The following SUGCT variants were observed in gnomAD, a reference collection of about 807,000 sequenced individuals.
The protein encoded by SUGCT is succinyl-CoA:glutarate CoA-transferase.
Under a neutral mutation model 55.0 loss-of-function variants are expected in SUGCT, and 41 were observed. The ratio of observed to expected loss-of-function variants is 0.74; its 90% CI spans 0.58 to 0.97. The LOEUF (loss-of-function observed/expected upper bound fraction) is 0.97, where lower values mean the gene tolerates loss of function less well. Among genes scored for constraint, SUGCT ranks in the 50% least tolerant of loss-of-function variants. SUGCT has a pLI of 0.00. For missense variants in SUGCT, 568 were observed against 547.8 expected, an observed-to-expected ratio of 1.04 and a Z score of -0.37; for synonymous variants, 187 against 200.4, an observed-to-expected ratio of 0.93 and a Z score of 0.56.
chr7:40,798,932 A>G (rs1790680412), intron 13 of SUGCT, among the ~76,000 whole-genome samples: 1 of 152,162 alleles, frequency 6.6e-6, no homozygotes, highest in Non-Finnish European at 1.5e-5. Flanking sequence ...ATAACTTGTC[A>G]TTTCTCATTA....
chr7:40,242,035 T>C (rs1355501260), intron 7 of SUGCT, among the ~76,000 whole-genome samples: 1 of 152,130 alleles, frequency 6.6e-6, no homozygotes, highest in Non-Finnish European at 1.5e-5. Flanking sequence ...TCAGATTAGA[T>C]TATATTTGAT....
intron 13 of SUGCT, among the ~76,000 whole-genome samples, chr7:40,777,947 A>G (rs1039617033): frequency 6.6e-6 from 1 of 152,070 alleles, no homozygotes; most frequent in Non-Finnish European, 1.5e-5. Flanking sequence ...CTGTGTATTC[A>G]TAGTCACTCC....
chr7:40,670,901 AG>A (rs576886542), intron 12 of SUGCT, among the ~76,000 whole-genome samples: 89 of 152,204 alleles, frequency 5.8e-4, no homozygotes, highest in Non-Finnish European at 9.3e-4. Flanking sequence ...AAAAGAGGAC[AG>A]AGCACTTCCA....
chr7:40,945,281 C>T, the SUGCT span, among the ~76,000 whole-genome samples: 1 of 152,114 alleles, frequency 6.6e-6, no homozygotes, highest in African/African-American at 2.4e-5. Flanking sequence ...GACTACCTCC[C>T]AGTCACATTC....
intron 9 of SUGCT, among the ~76,000 whole-genome samples, chr7:40,324,248 A>ATATATATATATATATATATATAT (rs1562681083): frequency 1.4e-4 from 15 of 111,042 alleles, no homozygotes; most frequent in African/African-American, 5.4e-4. Flanking sequence ...TAAATAAATA[A>ATATATATATATATATATATATAT]ATAAATATAT....
At chr7:40,136,957 T>A (rs1460807104) in intron 1 of SUGCT, among the ~76,000 whole-genome samples, 1 of 151,846 alleles carries the variant, frequency 6.6e-6, no homozygotes, top group Non-Finnish European at 1.5e-5. Flanking sequence ...ATTGTGCCAC[T>A]GCACTCCAGC....
rs1201956932 is a variant in SUGCT, at chr7:40,316,850, T to A, written c.811T>A (p.Tyr271Asn). Residue 271 changes from tyrosine (Y) to asparagine (N), a missense_variant, in exon 9 of 14, where the codon TAC (tyrosine) becomes AAC (asparagine). Transcript: ENST00000335693. ...WGTAHGSIVP[Y>N]QAFKTKDGYI... ...TACAGCTCATGGCAGTATCGTTCCT[T>A]ACCAGGTAAGACTACAGCAGTCTAG... 10 of 1,576,018 alleles carry A rather than the reference T, an allele frequency of 6.3e-6. No homozygotes were observed. Among genetic ancestry groups the A allele is most frequent in the Admixed American group, 1.8e-5 (1 of 56,164 alleles).
chr7:40,296,501 T>A (rs1027888823), intron 8 of SUGCT, among the ~76,000 whole-genome samples: 8 of 152,160 alleles, frequency 5.3e-5, no homozygotes, highest in African/African-American at 1.9e-4. Flanking sequence ...CATTTTATAT[T>A]GTAGTTATTA....
chr7:40,888,496 C>A, the SUGCT span, among the ~76,000 whole-genome samples: 1 of 151,020 alleles, frequency 6.6e-6, no homozygotes, highest in African/African-American at 2.4e-5. Context: ...AACCCAAGAT[C>A]AGGTTTTCCA....
At chr7:40,450,488 A>G (rs763450946) in intron 10 of SUGCT, among the ~76,000 whole-genome samples, 16 of 151,042 alleles carry the variant, frequency 1.1e-4, no homozygotes, top group Non-Finnish European at 1.9e-4. Context: ...AAAGATGACT[A>G]TGAGGGCCAG....
chr7:40,507,437 C>T (rs1450447361), intron 12 of SUGCT, among the ~76,000 whole-genome samples: 3 of 152,160 alleles, frequency 2.0e-5, no homozygotes, highest in South Asian at 2.1e-4. Flanking sequence ...TATCCTTTAC[C>T]GTTGGATGTG....
chr7:40,773,785 G>C (rs1450777461), intron 13 of SUGCT, among the ~76,000 whole-genome samples: 2 of 152,156 alleles, frequency 1.3e-5, no homozygotes, highest in African/African-American at 4.8e-5. Flanking sequence ...CATGGAGAAA[G>C]TTGAGGTCAA....
intron 12 of SUGCT, among the ~76,000 whole-genome samples, chr7:40,552,755 GC>G (rs1554365378): frequency 7.7e-6 from 1 of 130,084 alleles, no homozygotes. Context: ...GCCCCTTCCA[GC>G]CCCCCATCCC....
In SUGCT at chr7:40,224,859, T is replaced by G. The variant is rs76519652; in HGVS notation, c.485-12776T>G. On this transcript the variant is annotated intron_variant, in intron 6 of 13. Transcript: ENST00000335693. ...GGAATTGTGACTCTGCCTTTTGTGTTGGCCTGAATTTGGGGAGTGCTCCTC... is the reference window on the plus strand; with the variant it reads ...GGAATTGTGACTCTGCCTTTTGTGTGGGCCTGAATTTGGGGAGTGCTCCTC... Among the ~76,000 whole-genome samples the G allele has an allele frequency of 5.3e-3, 804 of 152,288 alleles. 7 individuals are homozygous for G. Among genetic ancestry groups the G allele is most frequent in the African/African-American group, 0.018 (734 of 41,558 alleles).
intron 6 of SUGCT, among the ~76,000 whole-genome samples, chr7:40,215,857 G>A (rs571127479): frequency 4.7e-5 from 7 of 147,856 alleles, no homozygotes; most frequent in East Asian, 2.0e-4. Flanking sequence ...GCAAGACTCC[G>A]TCTCAAAAAA....
intron 9 of SUGCT, among the ~76,000 whole-genome samples, chr7:40,406,472 G>C (rs913097177): frequency 2.0e-5 from 3 of 152,144 alleles, no homozygotes; most frequent in Admixed American, 6.5e-5. Flanking sequence ...AAACTATAAA[G>C]TAAATTCCTC....
intron 12 of SUGCT, among the ~76,000 whole-genome samples, chr7:40,690,716 G>A (rs1386590128): frequency 1.3e-5 from 2 of 151,978 alleles, no homozygotes; most frequent in Admixed American, 6.6e-5. Context: ...CTACAGGCAC[G>A]TGCCAAGATG....
intron 9 of SUGCT, among the ~76,000 whole-genome samples, chr7:40,338,080 A>C (rs1036787609): frequency 7.3e-5 from 11 of 151,588 alleles, no homozygotes; most frequent in Non-Finnish European, 1.5e-4. Flanking sequence ...ATTGGCCCCC[A>C]CTCTCTTCTG....
chr7:40,839,276 T>C (rs1793154846), intron 13 of SUGCT, among the ~76,000 whole-genome samples: 1 of 152,180 alleles, frequency 6.6e-6, no homozygotes, highest in Non-Finnish European at 1.5e-5. Context: ...AGGATCTTGC[T>C]CTGTTGCTCA....
Sources: allele counts gnomAD v4.1 joint callset (sites outside exome capture counted in the v4.1 genomes callset), GRCh38; gene constraint gnomAD v4.1.1; transcripts MANE v1.5; gene names NCBI Gene and HGNC (gene_info 2026-07-23, HGNC 2026-07-21).